The following PPP6R2 variants were observed in gnomAD, a reference collection of about 807,000 sequenced individuals.
PPP6R2 encodes the protein protein phosphatase 6 regulatory subunit 2.
A neutral mutation model predicts 100.2 loss-of-function variants in PPP6R2; 62 were observed. The observed-to-expected ratio is 0.62, with a 90% CI of 0.50 to 0.76. The LOEUF is 0.76. PPP6R2 is among the 30% of genes least tolerant of loss of function. The pLI is 0.00. For synonymous variants in PPP6R2, 525 were observed against 514.7 expected, an observed-to-expected ratio of 1.02 and a Z score of -0.27; for missense variants, 1,142 against 1,276.3, an observed-to-expected ratio of 0.89 and a Z score of 1.60.
At chr22:50,373,556 C>T (rs927130607) in intron 2 of PPP6R2, among the ~76,000 whole-genome samples, 2 of 148,124 alleles carry the variant, frequency 1.4e-5, no homozygotes, top group Non-Finnish European at 3.0e-5. Context: ...TTTCTTTATT[C>T]TTTATTTTTT....
At position 50,433,215 on chromosome 22, in the gene PPP6R2, C is replaced by T. The variant is rs569651190; in HGVS notation, c.1400+886C>T. Reference sequence around the variant, plus strand: ...CCGGGCATTTGCTCTGGAGGTGAACCTGGAGGAGGGCAGGGGGCGCGGACG... The same window carrying T: ...CCGGGCATTTGCTCTGGAGGTGAACTTGGAGGAGGGCAGGGGGCGCGGACG... On this transcript the variant is annotated intron_variant, in intron 12 of 23. Coordinates refer to ENST00000612753, the MANE Select transcript of PPP6R2 (RefSeq NM_001242898.2). Among the ~76,000 whole-genome samples the T allele has an allele frequency of 4.0e-5, 6 of 151,344 alleles. No individual in the cohort carries two copies. The South Asian group carries it at 1.0e-3, about 26-fold the overall frequency.
At chr22:50,437,707 TC>T in intron 16 of PPP6R2, 104 bp downstream of exon 16, 1 of 1,396,006 alleles carries the variant, frequency 7.2e-7, no homozygotes, top group Non-Finnish European at 1.0e-6. Flanking sequence ...CCGTCTGATG[TC>T]CCCGGGAGAC....
chr22:50,396,289 G>A (rs1031995189), intron 3 of PPP6R2, among the ~76,000 whole-genome samples: 3 of 151,180 alleles, frequency 2.0e-5, no homozygotes, highest in Non-Finnish European at 2.9e-5. Context: ...GAGGTCAGGA[G>A]TTCGAGACCA....
intron 2 of PPP6R2, among the ~76,000 whole-genome samples, chr22:50,377,803 TC>T (rs541887773): frequency 6.6e-6 from 1 of 151,904 alleles, no homozygotes; most frequent in South Asian, 2.1e-4. Flanking sequence ...GGTCAAGAGT[TC>T]CAGACCAGCC....
At chr22:50,342,032 C>A (rs557078719), upstream of PPP6R2, among the ~76,000 whole-genome samples, 1 of 151,866 alleles carries the variant, frequency 6.6e-6, no homozygotes, top group Non-Finnish European at 1.5e-5. Flanking sequence ...CTGCTCACCC[C>A]AGTTGCACTG....
chr22:50,353,058 G>A (rs1334972959), intron 1 of PPP6R2, among the ~76,000 whole-genome samples: 1 of 152,146 alleles, frequency 6.6e-6, no homozygotes, highest in Non-Finnish European at 1.5e-5. Context: ...AGTAAGACCT[G>A]CCTCCAAACA....
At chr22:50,365,226 C>T (rs1313286409) in intron 1 of PPP6R2, among the ~76,000 whole-genome samples, 2 of 151,976 alleles carry the variant, frequency 1.3e-5, no homozygotes, top group African/African-American at 4.8e-5. Flanking sequence ...CATGCACCAC[C>T]ACACCTGGCT....
chr22:50,430,607 C>T lies in PPP6R2; in HGVS notation c.1126-566C>T, dbSNP rs549414141. The stretch of plus-strand genomic sequence containing the variant: ...GGACAAAAGAAGCCAGGCCTGGTGA[C>T]TTATGCCTGTCATCCCAGCACTTTG... On this transcript the variant is annotated intron_variant, in intron 10 of 23. Transcript: ENST00000612753. Among the ~76,000 whole-genome samples, 182 of 152,336 alleles carry T rather than the reference C, an allele frequency of 1.2e-3. 1 individual carries two copies. Among genetic ancestry groups the T allele is most frequent in the African/African-American group, 4.3e-3 (180 of 41,582 alleles).
At chr22:50,374,892 C>T (rs1425146454) in intron 2 of PPP6R2, among the ~76,000 whole-genome samples, 7 of 118,242 alleles carry the variant, frequency 5.9e-5, no homozygotes, top group South Asian at 2.8e-4. Flanking sequence ...CCAGCCTGGG[C>T]GAGAGCGAGA....
At chr22:50,363,976 C>G (rs1007839328) in intron 1 of PPP6R2, among the ~76,000 whole-genome samples, 1 of 151,270 alleles carries the variant, frequency 6.6e-6, no homozygotes, top group Non-Finnish European at 1.5e-5. Context: ...CCCACTGCAA[C>G]CTTTGCCTCC....
Position 50,393,943 on chromosome 22 carries a change from A to C in PPP6R2, c.35A>C (p.His12Pro). The change falls in exon 3 of 24, where the codon CAT becomes CCT. Residue 12 changes from histidine to proline, a missense_variant. Coordinates refer to ENST00000612753, the MANE Select transcript of PPP6R2 (RefSeq NM_001242898.2). ...FWKFDLNTTS[H>P]VDKLLDKEHV... ...AAGTTTGACTTGAACACCACGTCCC[A>C]TGTTGACAAGCTGCTGGACAAGGAG... is the stretch of plus-strand genomic sequence containing the variant. 6.2e-7 allele frequency: 1 copy of C among 1,614,186 alleles called. No individual in the cohort carries two copies. The highest frequency in any genetic ancestry group is 8.5e-7 in the Non-Finnish European group (1 of 1,180,024).
chr22:50,425,008 TATC>T (rs1441378973), intron 10 of PPP6R2, among the ~76,000 whole-genome samples: 6 of 152,206 alleles, frequency 3.9e-5, no homozygotes, highest in Admixed American at 1.3e-4. Flanking sequence ...TGTGGTAAAA[TATC>T]ATAACATAAA....
chr22:50,337,846 T>G, the PPP6R2 span, among the ~76,000 whole-genome samples: 1 of 137,570 alleles, frequency 7.3e-6, no homozygotes, highest in Non-Finnish European at 1.6e-5. Context: ...GGGGTGTGTG[T>G]GGTGTGTTGG....
At chr22:50,360,817 C>T (rs973838624) in intron 1 of PPP6R2, among the ~76,000 whole-genome samples, 1 of 152,226 alleles carries the variant, frequency 6.6e-6, no homozygotes, top group Non-Finnish European at 1.5e-5. Flanking sequence ...ACACCAGTCT[C>T]TCTCAGGTTT....
chr22:50,442,190 G>T (rs559809935), intron 22 of PPP6R2, among the ~76,000 whole-genome samples: 68 of 152,320 alleles, frequency 4.5e-4, no homozygotes, highest in Middle Eastern at 3.4e-3. Context: ...TTCCCCCACA[G>T]GTGGGGCAGG....
chr22:50,432,215 G>A (rs371057795), intron 11 of PPP6R2, 50 bp from the exon 12 acceptor site: 30 of 1,495,206 alleles, frequency 2.0e-5, no homozygotes, highest in Middle Eastern at 1.9e-4. Flanking sequence ...GGAGGGGTGC[G>A]TGCCGCCTTC....
chr22:50,333,339 CT>C, the PPP6R2 span, among the ~76,000 whole-genome samples: 1,612 of 140,528 alleles, frequency 0.011, 8 homozygotes, highest in Middle Eastern at 0.029. Context: ...TGTTCTTTTT[CT>C]TTTTTTTTTT....
intron 1 of PPP6R2, among the ~76,000 whole-genome samples, chr22:50,358,290 T>G (rs1189107916): frequency 4.3e-4 from 65 of 152,198 alleles, no homozygotes; most frequent in Non-Finnish European, 1.5e-4. Flanking sequence ...GTTTCTTATT[T>G]GTTAATGGTA....
Position 50,440,030 on chromosome 22 carries a change from C to T in PPP6R2, c.2355C>T (p.Ser785=). 1 of 1,613,232 alleles carries T rather than the reference C, an allele frequency of 6.2e-7. No homozygotes were observed. Among genetic ancestry groups the T allele is most frequent in the African/African-American group, 1.3e-5 (1 of 75,076 alleles). Residue 785 remains serine (S), a synonymous_variant, in exon 21 of 24, where the codon AGC becomes AGT. Transcript: ENST00000612753. ...GCAGCCATGCTGAGGGCAGCCGGAG[C>T]CAAGGCCCTGAGAAAGCCTGTGAGT... ...TECSHAEGSR[S]QGPEKAFSPA... is the part of the protein sequence containing the mutation.
Sources: allele counts gnomAD v4.1 joint callset (sites outside exome capture counted in the v4.1 genomes callset), GRCh38; gene constraint gnomAD v4.1.1; transcripts MANE v1.5; gene names NCBI Gene and HGNC (gene_info 2026-07-23, HGNC 2026-07-21).